SLC35D1: variants seen among roughly 807,000 people sequenced by gnomAD.
SLC35D1 encodes the protein nucleotide sugar transporter SLC35D1.
A neutral mutation model predicts 46.7 loss-of-function variants in SLC35D1; 31 were observed. The ratio of observed to expected loss-of-function variants is 0.66; its 90% CI spans 0.50 to 0.90. The LOEUF (loss-of-function observed/expected upper bound fraction) is 0.90. Ranked by LOEUF, SLC35D1 falls within the 40% of genes least tolerant of loss-of-function variation. The pLI, the probability that SLC35D1 is intolerant of heterozygous loss-of-function variation, is 0.00. For synonymous variants in SLC35D1, 195 were observed against 164.6 expected (o/e 1.18, Z -1.41); for missense variants, 397 against 426.2 (o/e 0.93, Z 0.60).
At chr1:67,021,389 G>T in intron 9 of SLC35D1, 146 bp downstream of exon 9, 1 of 854,562 alleles carries the variant, frequency 1.2e-6, no homozygotes, top group Non-Finnish European at 2.0e-6. Context: ...ATTCCCAAGA[G>T]CTATGAAACC....
At chr1:67,031,264 C>T (rs1032355777) in intron 8 of SLC35D1, among the ~76,000 whole-genome samples, 49 of 152,224 alleles carry the variant, frequency 3.2e-4, no homozygotes, top group African/African-American at 1.1e-3. Context: ...CACGCTGTTG[C>T]ATTCCTCTGC....
In SLC35D1 at chr1:67,033,285, T is replaced by C. The variant is rs554264625; in HGVS notation, c.729+8951A>G. 4.6e-4 allele frequency among the ~76,000 whole-genome samples: 70 copies of C among 152,308 alleles called. 1 individual carries two copies. The South Asian group carries it at 0.013, about 29-fold the overall frequency. On this transcript the variant is annotated intron_variant, in intron 8 of 11. Transcript: ENST00000235345. ...GATTGTATGGTAGCTGTATTTTTAGTTTTTTGAGGAACCTCCAAACTGTTC... is the reference window on the plus strand; with the variant it reads ...GATTGTATGGTAGCTGTATTTTTAGCTTTTTGAGGAACCTCCAAACTGTTC...
chr1:67,018,108 T>C (rs1008148946), intron 10 of SLC35D1, among the ~76,000 whole-genome samples: 1 of 152,162 alleles, frequency 6.6e-6, no homozygotes, highest in African/African-American at 2.4e-5. Context: ...AACTTCAAAA[T>C]TATTTTTCTA....
chr1:66,989,714 C>T, the SLC35D1 span, among the ~76,000 whole-genome samples: 2 of 152,238 alleles, frequency 1.3e-5, no homozygotes, highest in Admixed American at 1.3e-4. Context: ...ATCCTCCCGC[C>T]TCAGCCTCCC....
chr1:67,005,875 C>G (rs1468562939), intron 11 of SLC35D1, among the ~76,000 whole-genome samples: 5 of 152,158 alleles, frequency 3.3e-5, no homozygotes. Context: ...GGCCTTAATT[C>G]TTTTAGCTGT....
chr1:66,982,403 T>C, the SLC35D1 span, among the ~76,000 whole-genome samples: 1 of 152,202 alleles, frequency 6.6e-6, no homozygotes, highest in East Asian at 1.9e-4. Context: ...TATATTAATA[T>C]TCTACAGAAA....
In SLC35D1 at chr1:67,007,510, C is replaced by T. The variant is rs536998369; in HGVS notation, c.959+1575G>A. Reference sequence around the variant, plus strand: ...GTAACATTATGAAAGAGGGGGCACACTATTGCCACATGGTTGTAACTTGAG... The same window carrying T: ...GTAACATTATGAAAGAGGGGGCACATTATTGCCACATGGTTGTAACTTGAG... On this transcript the variant is annotated intron_variant, in intron 11 of 11. Transcript: ENST00000235345. Among the ~76,000 whole-genome samples, 10 of 152,250 alleles carry T rather than the reference C, an allele frequency of 6.6e-5. No homozygotes were observed. In the South Asian group the frequency reaches 2.1e-3, roughly 32 times the overall value.
intron 1 of SLC35D1, 63 bp from the exon 2 acceptor site, chr1:67,053,052 A>G: frequency 1.3e-6 from 2 of 1,585,184 alleles, no homozygotes; most frequent in East Asian, 2.3e-5. Context: ...CGTGAATTCA[A>G]TTTGCACATC....
intron 11 of SLC35D1, among the ~76,000 whole-genome samples, chr1:67,006,828 G>T (rs1570605250): frequency 6.6e-6 from 1 of 152,124 alleles, no homozygotes; most frequent in East Asian, 1.9e-4. Context: ...ATACTCACCA[G>T]TCAAGCATCC....
the SLC35D1 span, chr1:66,985,090 T>C: frequency 5.4e-6 from 7 of 1,286,764 alleles, no homozygotes; most frequent in Non-Finnish European, 6.9e-6. Context: ...TGTCAGACTC[T>C]TTTAAGGGTA....
the SLC35D1 span, chr1:66,984,656 G>A: frequency 1.2e-6 from 2 of 1,613,752 alleles, no homozygotes; most frequent in Non-Finnish European, 1.7e-6. Flanking sequence ...CCAACAGGTG[G>A]AAATAAGAAA....
the SLC35D1 span, among the ~76,000 whole-genome samples, chr1:66,991,392 T>G: frequency 5.9e-5 from 9 of 152,208 alleles, no homozygotes; most frequent in Non-Finnish European, 1.3e-4. Context: ...CCAGTTGCCC[T>G]CTGGGTTCCA....
chr1:67,039,524 C>G (rs1043957792), intron 8 of SLC35D1, among the ~76,000 whole-genome samples: 3 of 48,400 alleles, frequency 6.2e-5, no homozygotes, highest in African/African-American at 1.5e-4. Context: ...TGTGTGTGCG[C>G]GCGTGGGGGG....
rs764608186 is a variant in SLC35D1, at chr1:67,053,839, C to G, written c.175G>C (p.Val59Leu). 9.7e-5 allele frequency: 156 copies of G among 1,613,094 alleles called. No homozygotes were observed. Among genetic ancestry groups the G allele is most frequent in the Non-Finnish European group, 1.3e-4 (151 of 1,179,400 alleles). Reference protein sequence around the residue: ...YGVSSFLIVVVNKSVLTNYRF... With the variant: ...YGVSSFLIVVLNKSVLTNYRF... ...TAATTGGTGAGCACGCTCTTATTCA[C>G]CACCACGATCAGGAAGGAGCTCACG... Residue 59 changes from valine to leucine, a missense_variant, in exon 1 of 12, where the codon GTG becomes CTG. Coordinates refer to ENST00000235345, the MANE Select transcript of SLC35D1 (RefSeq NM_015139.3).
intron 8 of SLC35D1, among the ~76,000 whole-genome samples, chr1:67,041,118 C>T (rs1030090041): frequency 5.9e-5 from 9 of 152,124 alleles, no homozygotes; most frequent in Non-Finnish European, 1.2e-4. Context: ...ATTAAATATA[C>T]AAAGTGACTA....
chr1:67,029,032 C>T (rs1050148991), intron 8 of SLC35D1, among the ~76,000 whole-genome samples: 6 of 152,074 alleles, frequency 3.9e-5, no homozygotes, highest in African/African-American at 1.4e-4. Flanking sequence ...GAAGGTAAAC[C>T]CTGTCCGTGT....
Position 67,001,213 on chromosome 1 carries a change from C to T in SLC35D1, c.*3127G>A, listed in dbSNP as rs959894588. ...CATTTCAAACCAACTCAATGTGAAA[C>T]TCCACTGTTTCTCCGTGAGGATCCT... On this transcript the variant is annotated 3_prime_UTR_variant, in exon 12 of 12. Transcript: ENST00000235345. The T allele has an allele frequency of 1.3e-5, 2 of 152,294 alleles. No individual in the cohort carries two copies. Among genetic ancestry groups the T allele is most frequent in the Middle Eastern group, 3.2e-3 (1 of 316 alleles). The allele number at this position is 152,294 out of a possible 1,614,324, so 9.4% of individuals were successfully genotyped here.
the SLC35D1 span, chr1:66,988,570 T>A: frequency 6.6e-6 from 1 of 152,262 alleles, no homozygotes; most frequent in Non-Finnish European, 1.5e-5. Flanking sequence ...CTTTAGTTAG[T>A]ATAAAGAATT....
intron 6 of SLC35D1, among the ~76,000 whole-genome samples, chr1:67,048,015 T>C (rs916493710): frequency 5.3e-5 from 8 of 152,150 alleles, no homozygotes; most frequent in African/African-American, 1.9e-4. Flanking sequence ...ACAGAATAAA[T>C]GAAAATCTGA....
Sources: allele counts gnomAD v4.1 joint callset (sites outside exome capture counted in the v4.1 genomes callset), GRCh38; gene constraint gnomAD v4.1.1; transcripts MANE v1.5; gene names NCBI Gene and HGNC (gene_info 2026-07-23, HGNC 2026-07-21).